The following BOLL variants were observed in gnomAD, a reference collection of about 807,000 sequenced individuals.
The protein encoded by BOLL is protein boule-like.
BOLL carries 23 observed loss-of-function variants against 44.4 expected under a neutral mutation model. The ratio of observed to expected loss-of-function variants is 0.52; its 90% CI spans 0.37 to 0.73. The LOEUF is 0.73. BOLL is among the 30% of genes least tolerant of loss of function. The pLI is 0.00. For missense variants in BOLL, 287 were observed against 338.3 expected, an observed-to-expected ratio of 0.85 and a Z score of 1.19; for synonymous variants, 97 against 110.8, an observed-to-expected ratio of 0.88 and a Z score of 0.78.
At chr2:197,741,165 G>A (rs1338754118) in intron 10 of BOLL, among the ~76,000 whole-genome samples, 1 of 152,018 alleles carries the variant, frequency 6.6e-6, no homozygotes, top group Non-Finnish European at 1.5e-5. Flanking sequence ...ATTGAGCAGT[G>A]GTTTGTAGTT....
At position 197,778,259 on chromosome 2, in the gene BOLL, C is replaced by A. The variant is rs540348896; in HGVS notation, c.221+716G>T. 5.3e-5 allele frequency among the ~76,000 whole-genome samples: 8 copies of A among 151,970 alleles called. 1 individual carries two copies. The South Asian group carries it at 1.7e-3, about 31-fold the overall frequency. On this transcript the variant is annotated intron_variant, in intron 3 of 10. Transcript: ENST00000392296. ...TCACCAATACCACCTCAATGGGTCCCTTTTCTTATGCCTATAAATATGTAT... is the reference window on the plus strand; with the variant it reads ...TCACCAATACCACCTCAATGGGTCCATTTTCTTATGCCTATAAATATGTAT...
chr2:197,771,828 A>G, intron 6 of BOLL, 27 bp downstream of exon 6: 1 of 1,525,578 alleles, frequency 6.6e-7, no homozygotes, highest in South Asian at 1.3e-5. Flanking sequence ...AATAGATGGA[A>G]ATCCTTTTTT....
rs1165063823 is a variant in BOLL, at chr2:197,728,594, A to G, written c.829-16T>C. ...TCCACACTGTCTGTTAAGTAAAGAG[A>G]AAATATAGATCAGGAAGACTGAATG... On this transcript the variant is annotated splice_polypyrimidine_tract_variant and intron_variant, in intron 10 of 10. Coordinates refer to ENST00000392296, the MANE Select transcript of BOLL (RefSeq NM_033030.6). The G allele has an allele frequency of 6.5e-7, 1 of 1,549,866 alleles. No homozygotes were observed. Among genetic ancestry groups the G allele is most frequent in the South Asian group, 1.1e-5 (1 of 89,192 alleles).
intron 10 of BOLL, among the ~76,000 whole-genome samples, chr2:197,737,847 G>A (rs1687567023): frequency 6.6e-6 from 1 of 152,036 alleles, no homozygotes; most frequent in Non-Finnish European, 1.5e-5. Flanking sequence ...CATTAGTTGT[G>A]TTTTTCATTT....
At chr2:197,735,578 AT>A (rs1395452431) in intron 10 of BOLL, among the ~76,000 whole-genome samples, 1 of 152,140 alleles carries the variant, frequency 6.6e-6, no homozygotes, top group Non-Finnish European at 1.5e-5. Context: ...GACTGTACTG[AT>A]GTTCATTTCC....
chr2:197,731,080 A>G (rs1687144981), intron 10 of BOLL, among the ~76,000 whole-genome samples: 1 of 152,142 alleles, frequency 6.6e-6, no homozygotes, highest in African/African-American at 2.4e-5. Flanking sequence ...CCTCACTTGC[A>G]GAGACACACA....
At chr2:197,738,684 C>G (rs1203238102) in intron 10 of BOLL, among the ~76,000 whole-genome samples, 1 of 152,090 alleles carries the variant, frequency 6.6e-6, no homozygotes, top group African/African-American at 2.4e-5. Flanking sequence ...AATTAACATT[C>G]ATGAGTTGTA....
chr2:197,741,155 A>G (rs921377131), intron 10 of BOLL, among the ~76,000 whole-genome samples: 1 of 151,954 alleles, frequency 6.6e-6, no homozygotes, highest in Non-Finnish European at 1.5e-5. Context: ...CTTTTATTTC[A>G]TTGAGCAGTG....
intron 7 of BOLL, among the ~76,000 whole-genome samples, chr2:197,765,253 G>A (rs543311988): frequency 1.3e-5 from 2 of 151,710 alleles, no homozygotes; most frequent in Non-Finnish European, 2.9e-5. Flanking sequence ...GGTGATGGGT[G>A]CATCAAAATC....
intron 7 of BOLL, among the ~76,000 whole-genome samples, chr2:197,760,589 T>G (rs1002421224): frequency 1.3e-5 from 2 of 152,212 alleles, no homozygotes; most frequent in African/African-American, 4.8e-5. Context: ...TACACAGCCC[T>G]GACCTGAGGA....
chr2:197,745,244 TTAAA>T (rs1687939120), intron 9 of BOLL, among the ~76,000 whole-genome samples: 1 of 152,084 alleles, frequency 6.6e-6, no homozygotes, highest in Admixed American at 6.6e-5. Flanking sequence ...ACTTTTTTTT[TTAAA>T]AAAAGAAATT....
At chr2:197,729,806 C>A (rs1687062578) in intron 10 of BOLL, among the ~76,000 whole-genome samples, 1 of 151,390 alleles carries the variant, frequency 6.6e-6, no homozygotes. Context: ...ACCAAAAACC[C>A]ATCTGTACAT....
At chr2:197,742,242 G>A (rs1687775805) in intron 10 of BOLL, among the ~76,000 whole-genome samples, 1 of 152,142 alleles carries the variant, frequency 6.6e-6, no homozygotes, top group African/African-American at 2.4e-5. Context: ...CAACCATTGT[G>A]GAAGTCAGTG....
chr2:197,775,830 A>G, intron 4 of BOLL, 90 bp from the exon 5 acceptor site: 1 of 719,222 alleles, frequency 1.4e-6, no homozygotes, highest in Non-Finnish European at 2.1e-6. Flanking sequence ...AGAATTTCAA[A>G]AATTCAGACT....
intron 10 of BOLL, among the ~76,000 whole-genome samples, chr2:197,740,720 GGACTAGGGGTTGA>G (rs1420742258): frequency 6.6e-6 from 1 of 152,058 alleles, no homozygotes; most frequent in Non-Finnish European, 1.5e-5. Flanking sequence ...AGGTTACCAG[GGACTAGGGGTTGA>G]GAGGAAGCAC....
intron 5 of BOLL, 63 bp downstream of exon 5, chr2:197,775,602 T>A: frequency 9.5e-7 from 1 of 1,049,012 alleles, no homozygotes; most frequent in Non-Finnish European, 1.4e-6. Flanking sequence ...CTATAAAAAG[T>A]CTTATATTTC....
intron 9 of BOLL, among the ~76,000 whole-genome samples, chr2:197,752,301 G>A (rs1688298722): frequency 6.6e-6 from 1 of 152,128 alleles, no homozygotes; most frequent in Admixed American, 6.5e-5. Context: ...TCTGGCCAGG[G>A]CAATCAGGCA....
rs112414093 is a variant in BOLL, at chr2:197,760,235, C to T, written c.553-2835G>A. Among the ~76,000 whole-genome samples the T allele has an allele frequency of 4.4e-3, 668 of 152,280 alleles. 3 individuals carry two copies. Among genetic ancestry groups the T allele is most frequent in the Non-Finnish European group, 6.2e-3 (425 of 68,004 alleles). Reference sequence around the variant, plus strand: ...ATGTCCCAGACTTGAGAAATAGCTCCGTGGGCCACCCCCAGCAGACATGCC... The same window carrying T: ...ATGTCCCAGACTTGAGAAATAGCTCTGTGGGCCACCCCCAGCAGACATGCC... On this transcript the variant is annotated intron_variant, in intron 7 of 10. Coordinates refer to ENST00000392296, the MANE Select transcript of BOLL (RefSeq NM_033030.6).
chr2:197,755,570 G>GAA (rs1559404236), intron 9 of BOLL, among the ~76,000 whole-genome samples: 1 of 152,140 alleles, frequency 6.6e-6, no homozygotes. Context: ...GCCATAAAAA[G>GAA]GAAAGAGATC....
Sources: gnomAD v4.1 joint callset for allele counts (sites outside exome capture counted in the v4.1 genomes callset) on GRCh38, gnomAD v4.1.1 for gene constraint, MANE v1.5 for transcripts, NCBI Gene and HGNC (gene_info 2026-07-23, HGNC 2026-07-21) for gene names.